Variants in LACTB2 observed in about 807,000 individuals in gnomAD.
The protein encoded by LACTB2 is endoribonuclease LACTB2.
A neutral mutation model predicts 34.8 loss-of-function variants in LACTB2; 32 were observed. That is an observed-to-expected ratio of 0.92 (90% confidence interval 0.69 to 1.24). The LOEUF (loss-of-function observed/expected upper bound fraction) is 1.24. Among genes scored for constraint, LACTB2 ranks in the 50% most tolerant of loss-of-function variants. LACTB2 has a pLI of 0.00. For missense variants in LACTB2, 320 were observed against 345.0 expected (o/e 0.93, Z 0.57); for synonymous variants, 120 against 117.5 (o/e 1.02, Z -0.14).
chr8:70,669,131 G>A lies in LACTB2; in HGVS notation c.-11C>T, dbSNP rs368781730. 109 of 1,607,914 alleles carry A rather than the reference G, an allele frequency of 6.8e-5. No homozygotes were observed. The highest frequency in any genetic ancestry group is 3.9e-4 in the Admixed American group (23 of 59,398). ...CAGTACAGCAGCCATTCCCGCCTCA[G>A]CCGCCCGCCGGCGTGTCGCCTATCT... On this transcript the variant is annotated 5_prime_UTR_variant, in exon 1 of 7. Transcript: ENST00000276590.
At chr8:70,643,118 T>G (rs894087511) in intron 4 of LACTB2, among the ~76,000 whole-genome samples, 3 of 150,808 alleles carry the variant, frequency 2.0e-5, no homozygotes, top group African/African-American at 7.3e-5. Context: ...AAAATAACCC[T>G]CATATCTTTA....
chr8:70,658,238 CAT>C (rs1479946148), intron 2 of LACTB2, among the ~76,000 whole-genome samples: 1 of 152,184 alleles, frequency 6.6e-6, no homozygotes, highest in Non-Finnish European at 1.5e-5. Flanking sequence ...AGGTGCCTAA[CAT>C]GTAGCAAAGG....
rs575665155 is a variant in LACTB2, at chr8:70,647,847, A to G, written c.414-3604T>C. Among the ~76,000 whole-genome samples, 3 of 152,304 alleles carry G rather than the reference A, an allele frequency of 2.0e-5. No individual in the cohort carries two copies. The East Asian group carries it at 5.8e-4, about 29-fold the overall frequency. On this transcript the variant is annotated intron_variant, in intron 3 of 6. Coordinates refer to ENST00000276590, the MANE Select transcript of LACTB2 (RefSeq NM_016027.3). ...TTCAGATCCTCAAGAGTCTCTTCCC[A>G]CTTTGAGTTGAGAAGTGCCCCAATC...
intron 4 of LACTB2, among the ~76,000 whole-genome samples, chr8:70,641,907 T>C (rs957294983): frequency 1.3e-5 from 2 of 152,190 alleles, no homozygotes; most frequent in African/African-American, 4.8e-5. Flanking sequence ...GTGTGGCTAA[T>C]AAATGAGGAA....
intron 1 of LACTB2, among the ~76,000 whole-genome samples, chr8:70,665,844 A>C (rs13269513): frequency 0.4 from 61,487 of 152,094 alleles, 13,970 homozygotes; most frequent in Non-Finnish European, 0.52. Flanking sequence ...CAAAGTATGT[A>C]CAATTTTGAT....
Position 70,644,086 on chromosome 8 carries a change from T to G in LACTB2, c.571A>C (p.Lys191Gln), listed in dbSNP as rs760118290. 9 of 1,577,534 alleles carry G rather than the reference T, an allele frequency of 5.7e-6. No individual in the cohort carries two copies. In the Admixed American group the frequency reaches 1.3e-4, roughly 23 times the overall value. ...MNSLKELLKI[K>Q]ADIIYPGHGP... ...CCACCTGGATATATAATATCAGCTT[T>G]GATTTTCAATAACTCTTTTAAAGAG... is the stretch of plus-strand genomic sequence containing the variant. Residue 191 changes from lysine to glutamine, a missense_variant, in exon 4 of 7, where the codon AAA (lysine) becomes CAA (glutamine). Transcript: ENST00000276590.
At chr8:70,668,748 G>GTTTTTTTTTTTGTTTTT (rs1818573247) in intron 1 of LACTB2, among the ~76,000 whole-genome samples, 5 of 103,732 alleles carry the variant, frequency 4.8e-5, no homozygotes, top group Admixed American at 9.6e-5. Flanking sequence ...CAAAACAGAA[G>GTTTTTTTTTTTGTTTTT]TTTTTTTTTT....
At chr8:70,658,737 G>A (rs1818444347) in intron 2 of LACTB2, among the ~76,000 whole-genome samples, 1 of 152,082 alleles carries the variant, frequency 6.6e-6, no homozygotes, top group African/African-American at 2.4e-5. Context: ...CATTAGAAAA[G>A]GCATTAAGTC....
rs574204172 is a variant in LACTB2 at position 70,657,026 on chromosome 8, G to A, written c.413+730C>T. 5.9e-5 allele frequency among the ~76,000 whole-genome samples: 9 copies of A among 152,216 alleles called. No homozygotes were observed. In the East Asian group the frequency reaches 1.7e-3, roughly 29 times the overall value. On this transcript the variant is annotated intron_variant, in intron 3 of 6. Transcript: ENST00000276590. ...TCAGAAAACAGGTGCAGATTGTGGG[G>A]GAGAGAGGAGTTCAGTTTTACAATA...
intron 1 of LACTB2, among the ~76,000 whole-genome samples, chr8:70,665,846 A>C (rs1307003396): frequency 6.6e-6 from 1 of 152,196 alleles, no homozygotes; most frequent in East Asian, 1.9e-4. Flanking sequence ...AAGTATGTAC[A>C]ATTTTGATAG....
intron 3 of LACTB2, among the ~76,000 whole-genome samples, chr8:70,655,832 C>A (rs1267489064): frequency 6.6e-6 from 1 of 152,132 alleles, no homozygotes; most frequent in East Asian, 1.9e-4. Context: ...TAGAAAGTGT[C>A]CCCTGTTCAC....
At chr8:70,656,589 C>T (rs1258331486) in intron 3 of LACTB2, among the ~76,000 whole-genome samples, 8 of 152,080 alleles carry the variant, frequency 5.3e-5, no homozygotes, top group East Asian at 1.9e-4. Context: ...TATGGCCTTA[C>T]AGTATAGTTT....
At chr8:70,659,758 G>T (rs769392058) in intron 2 of LACTB2, among the ~76,000 whole-genome samples, 7 of 152,104 alleles carry the variant, frequency 4.6e-5, no homozygotes, top group Non-Finnish European at 7.4e-5. Context: ...CTATAACTTT[G>T]TATCTGTCTT....
At chr8:70,659,362 G>A (rs2132078820) in intron 2 of LACTB2, among the ~76,000 whole-genome samples, 1 of 152,286 alleles carries the variant, frequency 6.6e-6, no homozygotes, top group East Asian at 1.9e-4. Context: ...GAATAGTAGG[G>A]TTAAGACGGT....
At chr8:70,657,253 A>G (rs1173271175) in intron 3 of LACTB2, among the ~76,000 whole-genome samples, 1 of 152,150 alleles carries the variant, frequency 6.6e-6, no homozygotes, top group Non-Finnish European at 1.5e-5. Context: ...TATTTTTTAA[A>G]ACAATGGTAA....
chr8:70,638,564 T>A lies in LACTB2; in HGVS notation c.807A>T (p.Glu269Asp). Residue 269 changes from glutamate to aspartate, a missense_variant, in exon 6 of 7, where the codon GAA becomes GAT. Glu to Asp is a conservative substitution (Grantham distance 45). Transcript: ENST00000276590. ...CATACTCACATATTTTTCCTTCTTT[T>A]TCTAGTTTTTTCAAATGAAGTAAGA... ...HNLLLHLKKL[E>D]KEGKIFSNTD... 3 of 1,522,194 alleles carry A rather than the reference T, an allele frequency of 2.0e-6. No individual in the cohort carries two copies. The highest frequency in any genetic ancestry group is 2.6e-6 in the Non-Finnish European group (3 of 1,135,388). The allele number at this position is 1,522,194 out of a possible 1,614,324, so 94.3% of individuals were successfully genotyped here.
chr8:70,657,015 C>A (rs1818419535), intron 3 of LACTB2, among the ~76,000 whole-genome samples: 2 of 152,064 alleles, frequency 1.3e-5, no homozygotes, highest in Non-Finnish European at 2.9e-5. Context: ...AAAACAGGTG[C>A]AGATTGTGGG....
intron 5 of LACTB2, chr8:70,640,686 A>G (rs1818184656): frequency 2.7e-6 from 1 of 372,954 alleles, no homozygotes; most frequent in Non-Finnish European, 4.5e-6. Context: ...AGTTAAGTAT[A>G]TAAAGTTCAA....
At chr8:70,660,034 C>A (rs1478413810) in intron 2 of LACTB2, 2 of 152,052 alleles carry the variant, frequency 1.3e-5, no homozygotes, top group East Asian at 3.8e-4. Context: ...GGGCCATAAA[C>A]ATTTTAATTT....
Sources: allele counts gnomAD v4.1 joint callset (sites outside exome capture counted in the v4.1 genomes callset), GRCh38; gene constraint gnomAD v4.1.1; transcripts MANE v1.5; gene names NCBI Gene and HGNC (gene_info 2026-07-23, HGNC 2026-07-21).